The following KANSL2 variants were observed in gnomAD, a reference collection of about 807,000 sequenced individuals.
KANSL2 encodes the protein KAT8 regulatory NSL complex subunit 2, also known as NSL complex protein NSL2.
Under a neutral mutation model 55.6 loss-of-function variants are expected in KANSL2, and 34 were observed. The observed-to-expected ratio is 0.61, with a 90% confidence interval of 0.46 to 0.81. KANSL2 has a LOEUF of 0.81. KANSL2 is among the 40% of genes least tolerant of loss of function. The probability of loss-of-function intolerance (pLI) is 0.00; values close to 1 mark genes in which losing one functional copy is unlikely to be tolerated. For missense variants in KANSL2, 502 were observed against 609.9 expected, an observed-to-expected ratio of 0.82 and a Z score of 1.86; for synonymous variants, 209 against 214.3, an observed-to-expected ratio of 0.98 and a Z score of 0.22.
In KANSL2 at chr12:48,682,168, A is replaced by T; in HGVS notation, c.-10+19T>A. On this transcript the variant is annotated intron_variant, in intron 1 of 9. Coordinates refer to ENST00000420613, the MANE Select transcript of KANSL2 (RefSeq NM_017822.4). ...AGCCCAACCGCAAGAGCTTAGAGGA[A>T]AGAGCACCGCCATCTTACCTCAGGA... is the stretch of plus-strand genomic sequence containing the variant. 1 of 698,160 alleles carries T rather than the reference A, an allele frequency of 1.4e-6. No individual in the cohort carries two copies. The highest frequency in any genetic ancestry group is 1.5e-5 in the South Asian group (1 of 67,334). The allele number at this position is 698,160 out of a possible 1,614,324, so 43.2% of individuals were successfully genotyped here. A position where few individuals can be genotyped will look rare whatever the true frequency, so the allele number is the denominator to read the frequency against.
At chr12:48,669,327 C>T in intron 5 of KANSL2, 55 bp from the exon 6 acceptor site, 4 of 1,382,492 alleles carry the variant, frequency 2.9e-6, no homozygotes, top group Non-Finnish European at 3.9e-6. Context: ...AAGGTTACGT[C>T]TCCAAGTCAA....
chr12:48,654,753 G>A (rs1311955536), intron 9 of KANSL2, among the ~76,000 whole-genome samples, 188 bp downstream of exon 9: 1 of 152,190 alleles, frequency 6.6e-6, no homozygotes, highest in Non-Finnish European at 1.5e-5. Flanking sequence ...GGGTACACAG[G>A]AGCAGAGTAG....
intron 4 of KANSL2, 150 bp downstream of exon 4, chr12:48,678,886 T>C (rs1278974213): frequency 3.6e-6 from 2 of 559,798 alleles, no homozygotes; most frequent in African/African-American, 1.9e-5. Flanking sequence ...AAGACGACAA[T>C]GAACCATGCC....
At chr12:48,681,774 G>A (rs1160073190) in intron 1 of KANSL2, 133 bp from the exon 2 acceptor site, 10 of 1,126,452 alleles carry the variant, frequency 8.9e-6, no homozygotes, top group South Asian at 1.3e-5. Flanking sequence ...AGTCCCCGCC[G>A]CCCTCCCCAA....
intron 7 of KANSL2, chr12:48,662,626 C>T (rs1939508861): frequency 7.8e-7 from 1 of 1,287,824 alleles, no homozygotes; most frequent in Non-Finnish European, 1.0e-6. Flanking sequence ...AAAGAGTTAA[C>T]AGGTCACCAA....
chr12:48,661,165 A>G (rs1369817449), intron 7 of KANSL2: 1 of 792,222 alleles, frequency 1.3e-6, no homozygotes, highest in African/African-American at 1.9e-5. Flanking sequence ...ACTAGGTATC[A>G]TATCCTAACA....
chr12:48,672,188 G>C (rs1423030431), intron 4 of KANSL2, among the ~76,000 whole-genome samples: 3 of 151,842 alleles, frequency 2.0e-5, no homozygotes, highest in Non-Finnish European at 4.4e-5. Flanking sequence ...GGGGGAAGGA[G>C]AAATGTCTTA....
chr12:48,679,297 T>C lies in KANSL2; in HGVS notation c.431-147A>G, dbSNP rs1364129418. On this transcript the variant is annotated intron_variant, in intron 3 of 9. Coordinates refer to ENST00000420613, the MANE Select transcript of KANSL2 (RefSeq NM_017822.4). ...CACTTAGTACAAAGGTACTGGCAAA[T>C]AAAAACGCTTTAAGAAAATACAACC... is the stretch of plus-strand genomic sequence containing the variant. The C allele has an allele frequency of 7.2e-6, 5 of 695,400 alleles. No individual in the cohort carries two copies. In the East Asian group the frequency reaches 1.1e-4, roughly 15 times the overall value. The allele number at this position is 695,400 out of a possible 1,614,324, so 43.1% of individuals were successfully genotyped here. A position where few individuals can be genotyped will look rare whatever the true frequency, so the allele number is the denominator to read the frequency against.
At chr12:48,682,139 TAGC>T (rs1455797695) in intron 1 of KANSL2, 45 bp downstream of exon 1, 1 of 702,472 alleles carries the variant, frequency 1.4e-6, no homozygotes, top group African/African-American at 1.7e-5. Flanking sequence ...AAGAGCGAAA[TAGC>T]AGCCCAACCG....
chr12:48,667,460 T>A (rs746159639), intron 7 of KANSL2: 1 of 635,784 alleles, frequency 1.6e-6, no homozygotes, highest in African/African-American at 1.8e-5. Flanking sequence ...AAACGACTCA[T>A]GTTTCTTTCT....
intron 8 of KANSL2, among the ~76,000 whole-genome samples, chr12:48,660,132 ATT>A (rs1415822883): frequency 6.6e-6 from 1 of 152,196 alleles, no homozygotes; most frequent in African/African-American, 2.4e-5. Flanking sequence ...AAAGAGTGCA[ATT>A]TATAGTATGT....
chr12:48,663,965 TG>T (rs1430821510), intron 7 of KANSL2, among the ~76,000 whole-genome samples: 6 of 142,120 alleles, frequency 4.2e-5, no homozygotes, highest in Non-Finnish European at 9.0e-5. Flanking sequence ...TCGCCCAGGC[TG>T]GAGTGCAATG....
At chr12:48,676,389 A>C (rs969274180) in intron 4 of KANSL2, among the ~76,000 whole-genome samples, 1 of 152,050 alleles carries the variant, frequency 6.6e-6, no homozygotes, top group Non-Finnish European at 1.5e-5. Flanking sequence ...CACTGGGCGC[A>C]CTGGTTCGTC....
At position 48,673,197 on chromosome 12, in the gene KANSL2, C is replaced by T. The variant is rs138824361; in HGVS notation, c.546-1235G>A. The stretch of plus-strand genomic sequence containing the variant: ...CTCAAAATTCAGTACCCTAGGTTAA[C>T]CCTTAATTGCCAAAGATCTGGCACG... On this transcript the variant is annotated intron_variant, in intron 4 of 9. Coordinates refer to ENST00000420613, the MANE Select transcript of KANSL2 (RefSeq NM_017822.4). Among the ~76,000 whole-genome samples, 78 of 152,272 alleles carry T rather than the reference C, an allele frequency of 5.1e-4. 1 individual carries two copies. Among genetic ancestry groups the T allele is most frequent in the African/African-American group, 1.8e-3 (73 of 41,554 alleles).
chr12:48,681,900 AG>A (rs1385932312), intron 1 of KANSL2: 1 of 703,738 alleles, frequency 1.4e-6, no homozygotes, highest in South Asian at 1.5e-5. Context: ...TGCAGCACGA[AG>A]GGAAGCGACA....
intron 5 of KANSL2, among the ~76,000 whole-genome samples, chr12:48,670,579 G>A (rs901702959): frequency 6.6e-6 from 1 of 151,974 alleles, no homozygotes; most frequent in South Asian, 2.1e-4. Flanking sequence ...AAGCTTATAG[G>A]GATATAAAAA....
At position 48,654,037 on chromosome 12, in the gene KANSL2, C is replaced by T. The variant is rs1939329833; in HGVS notation, c.*7G>A. The T allele has an allele frequency of 6.4e-7, 1 of 1,567,772 alleles. No individual in the cohort carries two copies. The highest frequency in any genetic ancestry group is 8.6e-7 in the Non-Finnish European group (1 of 1,161,566). On this transcript the variant is annotated 3_prime_UTR_variant, in exon 10 of 10. Transcript: ENST00000420613. ...AATCCACCAAAGTAAAATGGTTCCC[C>T]AAACTATCAACTAATAGAAGTGGGT...
At chr12:48,666,968 G>A (rs1034692222) in intron 7 of KANSL2, among the ~76,000 whole-genome samples, 1 of 152,082 alleles carries the variant, frequency 6.6e-6, no homozygotes, top group South Asian at 2.1e-4. Flanking sequence ...ATCACCTGAG[G>A]TCAGGAGCTC....
chr12:48,678,065 C>T lies in KANSL2; in HGVS notation c.545+971G>A, dbSNP rs551826153. On this transcript the variant is annotated intron_variant, in intron 4 of 9. Coordinates refer to ENST00000420613, the MANE Select transcript of KANSL2 (RefSeq NM_017822.4). Reference sequence around the variant, plus strand: ...AAGCAGGGTCAGGAGAAAATGTAACCCTAAATGACTTCTTATAAACCAAAG... The same window carrying T: ...AAGCAGGGTCAGGAGAAAATGTAACTCTAAATGACTTCTTATAAACCAAAG... 2.0e-5 allele frequency among the ~76,000 whole-genome samples: 3 copies of T among 152,170 alleles called. No homozygotes were observed. The South Asian group carries it at 6.2e-4, about 32-fold the overall frequency.
Sources: allele counts gnomAD v4.1 joint callset (sites outside exome capture counted in the v4.1 genomes callset), GRCh38; gene constraint gnomAD v4.1.1; transcripts MANE v1.5; gene names NCBI Gene and HGNC (gene_info 2026-07-23, HGNC 2026-07-21).